LRRC4C: variants seen among roughly 807,000 people sequenced by gnomAD.
LRRC4C encodes leucine rich repeat containing 4C, also known as leucine-rich repeat-containing protein 4C.
In LRRC4C, 5 loss-of-function variants were observed where a neutral mutation model predicts 33.6. That is an observed-to-expected ratio of 0.15 (90% CI 0.08 to 0.31). The LOEUF (loss-of-function observed/expected upper bound fraction) is 0.31, where lower values mean the gene tolerates loss of function less well. LRRC4C is among the 10% of genes least tolerant of loss of function. The pLI, the probability that LRRC4C is intolerant of heterozygous loss-of-function variation, is 1.00. For missense variants in LRRC4C, 560 were observed against 796.7 expected, an observed-to-expected ratio of 0.70 and a Z score of 3.58; for synonymous variants, 329 against 302.0, an observed-to-expected ratio of 1.09 and a Z score of -0.93.
intron 2 of LRRC4C, among the ~76,000 whole-genome samples, chr11:40,814,863 C>A (rs1951642348): frequency 6.6e-6 from 1 of 152,032 alleles, no homozygotes; most frequent in South Asian, 2.1e-4. Context: ...TCAACCTGTA[C>A]TTCATTGTCT....
At chr11:40,493,796 C>A (rs539398958) in intron 3 of LRRC4C, among the ~76,000 whole-genome samples, 1 of 152,056 alleles carries the variant, frequency 6.6e-6, no homozygotes, top group African/African-American at 2.4e-5. Flanking sequence ...AGGTGGAACG[C>A]GAATTACCAG....
intron 3 of LRRC4C, among the ~76,000 whole-genome samples, chr11:40,625,434 T>C (rs1465368152): frequency 2.0e-5 from 3 of 152,108 alleles, no homozygotes; most frequent in African/African-American, 7.2e-5. Flanking sequence ...AGAGAGTGTG[T>C]GCAGGGGAAC....
intron 2 of LRRC4C, among the ~76,000 whole-genome samples, chr11:40,747,446 C>T (rs921476691): frequency 6.6e-6 from 1 of 151,950 alleles, no homozygotes; most frequent in African/African-American, 2.4e-5. Flanking sequence ...TAGAAAAAAG[C>T]AACTATTACA....
At chr11:41,045,086 C>A (rs940141660) in intron 1 of LRRC4C, among the ~76,000 whole-genome samples, 1 of 151,776 alleles carries the variant, frequency 6.6e-6, no homozygotes, top group Non-Finnish European at 1.5e-5. Context: ...GATTTTTTTT[C>A]TCCTTTTGGT....
intron 1 of LRRC4C, among the ~76,000 whole-genome samples, chr11:41,219,061 G>A (rs1947189683): frequency 6.6e-6 from 1 of 151,864 alleles, no homozygotes; most frequent in African/African-American, 2.4e-5. Flanking sequence ...TTGAGCCACC[G>A]CGCCCGGCCG....
intron 3 of LRRC4C, among the ~76,000 whole-genome samples, chr11:40,421,525 G>T (rs946276938): frequency 5.3e-5 from 8 of 152,144 alleles, no homozygotes; most frequent in African/African-American, 1.9e-4. Flanking sequence ...GGAGACCCTT[G>T]GTATCCATCA....
At chr11:40,512,956 C>T (rs1002025316) in intron 3 of LRRC4C, among the ~76,000 whole-genome samples, 1 of 152,024 alleles carries the variant, frequency 6.6e-6, no homozygotes, top group Non-Finnish European at 1.5e-5. Flanking sequence ...TTTTGAAAAT[C>T]TACTGTAACA....
chr11:40,552,882 GA>G (rs1957181022), intron 3 of LRRC4C, among the ~76,000 whole-genome samples: 1 of 152,162 alleles, frequency 6.6e-6, no homozygotes, highest in Non-Finnish European at 1.5e-5. Context: ...CAAAGCTTCT[GA>G]GATGTAATAA....
intron 1 of LRRC4C, among the ~76,000 whole-genome samples, chr11:41,206,086 G>T (rs1258052799): frequency 1.3e-5 from 2 of 152,084 alleles, no homozygotes; most frequent in African/African-American, 4.8e-5. Context: ...AGCTTTTTAT[G>T]ACAATTTCAT....
Position 41,033,020 on chromosome 11 carries a change from C to A in LRRC4C, c.-495-99297G>T, listed in dbSNP as rs572789994. 5.8e-4 allele frequency among the ~76,000 whole-genome samples: 88 copies of A among 151,346 alleles called. 1 individual carries two copies. Among genetic ancestry groups the A allele is most frequent in the African/African-American group, 2.1e-3 (87 of 41,530 alleles). On this transcript the variant is annotated intron_variant, in intron 1 of 6. Coordinates refer to ENST00000528697, the MANE Select transcript of LRRC4C (RefSeq NM_001258419.2). ...AGCTGATACCATGAAACATTACCAG[C>A]ACACTTTCTAAAACAGAAGGGTCTA... is the stretch of plus-strand genomic sequence containing the variant.
At chr11:40,541,501 T>C (rs11035907) in intron 3 of LRRC4C, among the ~76,000 whole-genome samples, 13,679 of 152,170 alleles carry the variant, frequency 0.09, 1,758 homozygotes, top group African/African-American at 0.29. Context: ...ACTTGACAAA[T>C]TCAGATTTCA....
intron 4 of LRRC4C, among the ~76,000 whole-genome samples, chr11:40,255,782 A>G (rs1303903385): frequency 6.6e-6 from 1 of 152,166 alleles, no homozygotes; most frequent in Non-Finnish European, 1.5e-5. Flanking sequence ...ACCCAAATAC[A>G]AAATATTTTG....
chr11:41,458,040 C>T (rs2138706047), intron 1 of LRRC4C, among the ~76,000 whole-genome samples: 2 of 152,076 alleles, frequency 1.3e-5, no homozygotes, highest in Middle Eastern at 6.8e-3. Context: ...GAGTATGATG[C>T]CTGACATCTC....
intron 1 of LRRC4C, among the ~76,000 whole-genome samples, chr11:41,177,371 T>C (rs925390875): frequency 3.3e-5 from 5 of 152,220 alleles, no homozygotes; most frequent in Non-Finnish European, 1.5e-5. Context: ...GATATTGCTT[T>C]TCCTACTTAT....
In LRRC4C at chr11:41,342,472, T is replaced by C. The variant is rs181025101; in HGVS notation, c.-496+116959A>G. Among the ~76,000 whole-genome samples, 315 of 152,284 alleles carry C rather than the reference T, an allele frequency of 2.1e-3. 1 individual carries two copies. The highest frequency in any genetic ancestry group is 7.1e-3 in the African/African-American group (296 of 41,566). On this transcript the variant is annotated intron_variant, in intron 1 of 6. Transcript: ENST00000528697. ...GCTCTCACCCATAATCATAGCATTT[T>C]GGGAGGCTGAGGGGGGTGGACCACT...
intron 1 of LRRC4C, among the ~76,000 whole-genome samples, chr11:40,993,418 T>C (rs1039169988): frequency 6.6e-6 from 1 of 152,152 alleles, no homozygotes; most frequent in East Asian, 1.9e-4. Flanking sequence ...TAAGAAAAGT[T>C]CTAGTGGAGT....
intron 1 of LRRC4C, among the ~76,000 whole-genome samples, chr11:40,938,318 G>C (rs1259609372): frequency 2.6e-5 from 4 of 152,120 alleles, no homozygotes; most frequent in Non-Finnish European, 5.9e-5. Flanking sequence ...ACAGAGAAAA[G>C]ATCCAAGCGA....
chr11:41,152,360 A>T (rs1944036860), intron 1 of LRRC4C, among the ~76,000 whole-genome samples: 1 of 152,190 alleles, frequency 6.6e-6, no homozygotes, highest in South Asian at 2.1e-4. Context: ...CACAGCCCAC[A>T]CCAATCTGCT....
intron 3 of LRRC4C, among the ~76,000 whole-genome samples, chr11:40,350,881 T>C (rs1335093262): frequency 5.9e-5 from 9 of 152,076 alleles, no homozygotes; most frequent in African/African-American, 2.2e-4. Flanking sequence ...CTTGATTTCA[T>C]TTTCAGATTG....
Sources: gnomAD v4.1 joint callset for allele counts (sites outside exome capture counted in the v4.1 genomes callset) on GRCh38, gnomAD v4.1.1 for gene constraint, MANE v1.5 for transcripts, NCBI Gene and HGNC (gene_info 2026-07-23, HGNC 2026-07-21) for gene names.